Variants in STK33 observed in about 807,000 individuals in gnomAD.
STK33 encodes serine/threonine kinase 33.
Under a neutral mutation model 58.0 loss-of-function variants are expected in STK33, and 52 were observed. That is an observed-to-expected ratio of 0.90 (90% CI 0.72 to 1.13). The LOEUF (loss-of-function observed/expected upper bound fraction) is 1.13. Ranked by LOEUF, STK33 falls within the 50% of genes most tolerant of loss-of-function variation. The probability of loss-of-function intolerance (pLI) is 0.00; values close to 1 mark genes in which losing one functional copy is unlikely to be tolerated. For missense variants in STK33, 630 were observed against 604.2 expected (o/e 1.04, Z -0.45); for synonymous variants, 215 against 200.1 (o/e 1.07, Z -0.63).
At chr11:8,351,682 G>T in the STK33 span, among the ~76,000 whole-genome samples, 1 of 152,276 alleles carries the variant, frequency 6.6e-6, no homozygotes, top group South Asian at 2.1e-4. Context: ...GATGCTGGGT[G>T]TGGGAGCGTC....
At chr11:8,386,814 G>A in the STK33 span, among the ~76,000 whole-genome samples, 4 of 152,174 alleles carry the variant, frequency 2.6e-5, no homozygotes, top group African/African-American at 4.8e-5. Flanking sequence ...CCTGCTCAGC[G>A]GCACAGCTGC....
chr11:8,532,703 C>T (rs1954648232), intron 1 of STK33, among the ~76,000 whole-genome samples: 2 of 152,170 alleles, frequency 1.3e-5, no homozygotes, highest in South Asian at 4.1e-4. Flanking sequence ...CAGGAAACAA[C>T]GTTGCAATTG....
At chr11:8,418,947 T>C (rs79825694) in intron 14 of STK33, among the ~76,000 whole-genome samples, 15,693 of 152,196 alleles carry the variant, frequency 0.1, 898 homozygotes, top group African/African-American at 0.13. Context: ...GAGGTTGTTT[T>C]TTTTTCTCGT....
chr11:8,457,231 T>C (rs1283804577), intron 9 of STK33, 110 bp downstream of exon 9: 1 of 947,146 alleles, frequency 1.1e-6, no homozygotes, highest in South Asian at 4.4e-5. Flanking sequence ...TTAAATCTTC[T>C]ATATTAGCAG....
intron 1 of STK33, among the ~76,000 whole-genome samples, chr11:8,582,671 TG>T (rs2141372813): frequency 6.6e-6 from 1 of 152,322 alleles, no homozygotes; most frequent in African/African-American, 2.4e-5. Context: ...ATATGAGATT[TG>T]GGTGGGGACA....
At chr11:8,570,614 G>A (rs1004896332) in intron 1 of STK33, among the ~76,000 whole-genome samples, 17 of 152,142 alleles carry the variant, frequency 1.1e-4, no homozygotes, top group Admixed American at 2.0e-4. Flanking sequence ...GTGCACACAC[G>A]TAGTACTGTA....
chr11:8,401,125 G>C (rs1489590820), intron 15 of STK33, among the ~76,000 whole-genome samples: 2 of 152,124 alleles, frequency 1.3e-5, no homozygotes, highest in Non-Finnish European at 1.5e-5. Context: ...CTGCTTTAAA[G>C]TTAATATGGA....
intron 1 of STK33, among the ~76,000 whole-genome samples, chr11:8,577,449 T>C (rs1036587752): frequency 3.9e-5 from 6 of 152,160 alleles, no homozygotes; most frequent in African/African-American, 1.4e-4. Flanking sequence ...TTGCTTATTA[T>C]TTAGTATTTA....
At chr11:8,365,330 G>A in the STK33 span, among the ~76,000 whole-genome samples, 26 of 152,120 alleles carry the variant, frequency 1.7e-4, no homozygotes, top group African/African-American at 6.3e-4. Context: ...GGAAGCTGAC[G>A]GGGACCTTCC....
At chr11:8,546,581 T>A (rs1255937867) in intron 1 of STK33, among the ~76,000 whole-genome samples, 2 of 150,912 alleles carry the variant, frequency 1.3e-5, no homozygotes, top group African/African-American at 4.9e-5. Context: ...AACCAACCTC[T>A]CTTCATCCCC....
intron 1 of STK33, among the ~76,000 whole-genome samples, chr11:8,514,216 G>A (rs1310773248): frequency 6.6e-6 from 1 of 152,134 alleles, no homozygotes; most frequent in African/African-American, 2.4e-5. Flanking sequence ...ATCCATTCAT[G>A]TGTTGACAGA....
At chr11:8,378,976 C>T in the STK33 span, among the ~76,000 whole-genome samples, 1 of 152,114 alleles carries the variant, frequency 6.6e-6, no homozygotes, top group African/African-American at 2.4e-5. Context: ...AAAGAGAACA[C>T]AGAAATAAAG....
chr11:8,422,813 GA>G (rs1298436758), intron 14 of STK33, among the ~76,000 whole-genome samples: 11 of 151,646 alleles, frequency 7.3e-5, no homozygotes, highest in Admixed American at 5.9e-4. Context: ...CCATATGTAA[GA>G]TTTTTTTTCT....
chr11:8,378,589 C>A, the STK33 span, among the ~76,000 whole-genome samples: 1 of 152,280 alleles, frequency 6.6e-6, no homozygotes, highest in African/African-American at 2.4e-5. Flanking sequence ...ATCACGAGAA[C>A]AGCATGAGAA....
At chr11:8,368,916 C>T in the STK33 span, among the ~76,000 whole-genome samples, 46 of 152,352 alleles carry the variant, frequency 3.0e-4, no homozygotes, top group Admixed American at 2.2e-3. Flanking sequence ...ATCACACAAA[C>T]GAGCAGTGTG....
At chr11:8,567,662 T>TAC (rs1183293487) in intron 1 of STK33, among the ~76,000 whole-genome samples, 2 of 152,162 alleles carry the variant, frequency 1.3e-5, no homozygotes, top group African/African-American at 4.8e-5. Context: ...TTGTAGGAAA[T>TAC]ACTGGGAAGT....
At chr11:8,383,050 G>A in the STK33 span, among the ~76,000 whole-genome samples, 7,240 of 152,276 alleles carry the variant, frequency 0.048, 250 homozygotes, top group Non-Finnish European at 0.064. Context: ...GATTGTCCAC[G>A]AATCCCTGTT....
intron 1 of STK33, among the ~76,000 whole-genome samples, chr11:8,571,672 A>G: frequency 6.6e-6 from 1 of 152,014 alleles, no homozygotes; most frequent in East Asian, 1.9e-4. Flanking sequence ...TTTCTACTAA[A>G]AATACAAAAA....
intron 6 of STK33, chr11:8,466,101 T>G (rs929085273): frequency 1.3e-5 from 2 of 152,182 alleles, no homozygotes; most frequent in African/African-American, 4.8e-5. Context: ...ACATGGGAAT[T>G]ATGGGAGCTA....
Sources: allele counts gnomAD v4.1 joint callset (sites outside exome capture counted in the v4.1 genomes callset), GRCh38; gene constraint gnomAD v4.1.1; transcripts MANE v1.5; gene names NCBI Gene and HGNC (gene_info 2026-07-23, HGNC 2026-07-21).